The following DCC variants were observed in gnomAD, a reference collection of about 807,000 sequenced individuals.
The protein encoded by DCC is DCC netrin 1 receptor.
A neutral mutation model predicts 172.5 loss-of-function variants in DCC; 58 were observed. That is an observed-to-expected ratio of 0.34 (90% CI 0.27 to 0.42). The LOEUF (loss-of-function observed/expected upper bound fraction) is 0.42. Among genes scored for constraint, DCC ranks in the 10% least tolerant of loss-of-function variants. The probability of loss-of-function intolerance (pLI) is 1.00; values close to 1 mark genes in which losing one functional copy is unlikely to be tolerated. For missense variants in DCC, 1,740 were observed against 1,791.0 expected, an observed-to-expected ratio of 0.97 and a Z score of 0.51; for synonymous variants, 709 against 644.5, an observed-to-expected ratio of 1.10 and a Z score of -1.52.
chr18:53,066,109 G>A lies in DCC; in HGVS notation c.1204G>A (p.Ala402Thr). The A allele has an allele frequency of 1.2e-6, 2 of 1,613,390 alleles. No individual in the cohort carries two copies. The highest frequency in any genetic ancestry group is 8.5e-7 in the Non-Finnish European group (1 of 1,179,606). ...KSDEGFYQCV[A>T]ENEAGNAQTS... ...AGATGAAGGCTTTTATCAATGTGTG[G>A]CTGAAAATGAGGCTGGAAATGCCCA... The change falls in exon 7 of 29, where the codon GCT becomes ACT. Residue 402 changes from alanine (A) to threonine (T), a missense_variant. Coordinates refer to ENST00000442544, the MANE Select transcript of DCC (RefSeq NM_005215.4).
rs2046534247 is a variant in DCC at position 53,532,528 on chromosome 18, T to C, written c.*1875T>C. Reference sequence around the variant, plus strand: ...TACTCTTATTTAACATCTGGGCACTTAGGTAGACAACCTTCTACTGACCTG... The same window carrying C: ...TACTCTTATTTAACATCTGGGCACTCAGGTAGACAACCTTCTACTGACCTG... On this transcript the variant is annotated 3_prime_UTR_variant, in exon 29 of 29. Coordinates refer to ENST00000442544, the MANE Select transcript of DCC (RefSeq NM_005215.4). The C allele has an allele frequency of 6.6e-6, 1 of 152,236 alleles. No homozygotes were observed. The highest frequency in any genetic ancestry group is 1.5e-5 in the Non-Finnish European group (1 of 68,042). The allele number at this position is 152,236 out of a possible 1,614,324, so 9.4% of individuals were successfully genotyped here.
Position 52,825,138 on chromosome 18 carries a change from A to G in DCC, c.412+72764A>G, listed in dbSNP as rs140047868. On this transcript the variant is annotated intron_variant, in intron 2 of 28. Coordinates refer to ENST00000442544, the MANE Select transcript of DCC (RefSeq NM_005215.4). Reference sequence around the variant, plus strand: ...TACCCCTTAGACAGATGTTTCTTTAAGTTTTTTGAATGAGCAATTCATTAT... The same window carrying G: ...TACCCCTTAGACAGATGTTTCTTTAGGTTTTTTGAATGAGCAATTCATTAT... Among the ~76,000 whole-genome samples the G allele has an allele frequency of 3.5e-4, 54 of 152,266 alleles. No individual in the cohort carries two copies. In the East Asian group the frequency reaches 0.01, roughly 29 times the overall value.
chr18:53,276,883 G>A (rs372141973), intron 12 of DCC, among the ~76,000 whole-genome samples: 4 of 152,196 alleles, frequency 2.6e-5, no homozygotes, highest in African/African-American at 9.6e-5. Flanking sequence ...TAGGAACCAG[G>A]ACCATAGAGT....
intron 5 of DCC, among the ~76,000 whole-genome samples, chr18:52,951,502 C>T (rs932899808): frequency 2.0e-5 from 3 of 152,104 alleles, no homozygotes; most frequent in African/African-American, 7.2e-5. Context: ...TCTCATTGCT[C>T]AACTCTCACT....
chr18:52,980,715 CTG>C (rs1166347537), intron 5 of DCC, among the ~76,000 whole-genome samples: 1 of 151,990 alleles, frequency 6.6e-6, no homozygotes, highest in Non-Finnish European at 1.5e-5. Context: ...AATGCTCACT[CTG>C]TCAATAAAAA....
At chr18:53,358,159 C>A (rs4405620) in intron 15 of DCC, among the ~76,000 whole-genome samples, 45,161 of 151,844 alleles carry the variant, frequency 0.3, 8,623 homozygotes, top group Non-Finnish European at 0.44. Context: ...AAAAATATAT[C>A]TTGTTTTTTT....
At chr18:52,427,630 C>T (rs1159199690) in intron 1 of DCC, among the ~76,000 whole-genome samples, 1 of 152,004 alleles carries the variant, frequency 6.6e-6, no homozygotes, top group Non-Finnish European at 1.5e-5. Context: ...GATGTTGGCA[C>T]TTGTCAGCCA....
intron 12 of DCC, among the ~76,000 whole-genome samples, chr18:53,297,302 T>G (rs1164928554): frequency 6.6e-6 from 1 of 152,176 alleles, no homozygotes; most frequent in Non-Finnish European, 1.5e-5. Context: ...TTAAATCAAT[T>G]AACTCTTTTC....
intron 7 of DCC, among the ~76,000 whole-genome samples, chr18:53,109,113 T>C (rs149107012): frequency 5.9e-5 from 9 of 151,624 alleles, no homozygotes; most frequent in Middle Eastern, 3.4e-3. Context: ...TAGAATCTCA[T>C]TGTAGCTTTA....
chr18:52,677,497 TTTATTA>T (rs2035665735), intron 1 of DCC, among the ~76,000 whole-genome samples: 1 of 151,914 alleles, frequency 6.6e-6, no homozygotes, highest in Non-Finnish European at 1.5e-5. Context: ...ATATATATTT[TTTATTA>T]TTATTGTTTC....
chr18:53,382,104 A>ACACACACACACC (rs770734401), intron 15 of DCC, among the ~76,000 whole-genome samples: 47 of 52,948 alleles, frequency 8.9e-4, no homozygotes, highest in African/African-American at 1.9e-3. Context: ...ACACACACAC[A>ACACACACACACC]CCCCTACCTC....
At chr18:52,627,538 T>A (rs1034726422) in intron 1 of DCC, among the ~76,000 whole-genome samples, 3 of 152,224 alleles carry the variant, frequency 2.0e-5, no homozygotes, top group Non-Finnish European at 2.9e-5. Flanking sequence ...AGGAAGCAAC[T>A]AAAATTATTT....
intron 7 of DCC, among the ~76,000 whole-genome samples, chr18:53,130,318 C>G (rs1040606339): frequency 2.6e-5 from 4 of 152,000 alleles, no homozygotes; most frequent in Non-Finnish European, 5.9e-5. Flanking sequence ...CTCAGATTTC[C>G]CAGAGAAAAA....
chr18:52,501,633 G>A (rs983055157), intron 1 of DCC, among the ~76,000 whole-genome samples: 1 of 152,116 alleles, frequency 6.6e-6, no homozygotes, highest in Non-Finnish European at 1.5e-5. Context: ...GTACGGAAGT[G>A]GCATGTTGGA....
chr18:53,172,603 T>C (rs1192485472), intron 8 of DCC, among the ~76,000 whole-genome samples: 1 of 151,886 alleles, frequency 6.6e-6, no homozygotes, highest in African/African-American at 2.4e-5. Flanking sequence ...AAGCTGTCCT[T>C]CCTTATACAT....
chr18:53,508,942 C>T (rs2046217313), intron 27 of DCC, among the ~76,000 whole-genome samples: 1 of 152,220 alleles, frequency 6.6e-6, no homozygotes, highest in South Asian at 2.1e-4. Context: ...CACCACATTA[C>T]AATAGCATAG....
chr18:52,681,572 G>C (rs546577302), intron 1 of DCC, among the ~76,000 whole-genome samples: 12 of 152,184 alleles, frequency 7.9e-5, no homozygotes, highest in African/African-American at 2.6e-4. Context: ...CTCTGAAGTA[G>C]GGAGCATTTC....
Position 52,838,998 on chromosome 18 carries a change from TAAC to T in DCC, c.413-67043_413-67041del, listed in dbSNP as rs559710680. Among the ~76,000 whole-genome samples, 53 of 152,260 alleles carry T rather than the reference TAAC, an allele frequency of 3.5e-4. No individual in the cohort carries two copies. In the South Asian group the frequency reaches 8.5e-3, roughly 24 times the overall value. On this transcript the variant is annotated intron_variant, in intron 2 of 28. Coordinates refer to ENST00000442544, the MANE Select transcript of DCC (RefSeq NM_005215.4). ...AATGTTATTTTTATTTAGTAGAAGA[TAAC>T]AAATTTACCTTGACTGAAGCAGAGG...
chr18:53,521,612 T>C (rs549881635), intron 27 of DCC, among the ~76,000 whole-genome samples: 14 of 152,262 alleles, frequency 9.2e-5, no homozygotes, highest in African/African-American at 2.6e-4. Context: ...CTGGCCCTAC[T>C]TGAATTTCCT....
Sources: allele counts gnomAD v4.1 joint callset (sites outside exome capture counted in the v4.1 genomes callset), GRCh38; gene constraint gnomAD v4.1.1; transcripts MANE v1.5; gene names NCBI Gene and HGNC (gene_info 2026-07-23, HGNC 2026-07-21).